PDE8B: variants seen among roughly 807,000 people sequenced by gnomAD.
PDE8B encodes the protein phosphodiesterase 8B.
Under a neutral mutation model 101.3 loss-of-function variants are expected in PDE8B, and 26 were observed. The observed-to-expected ratio is 0.26, with a 90% CI of 0.19 to 0.36. PDE8B has a LOEUF of 0.36. Among genes scored for constraint, PDE8B ranks in the 10% least tolerant of loss-of-function variants. PDE8B has a pLI of 1.00. For synonymous variants in PDE8B, 424 were observed against 429.3 expected, an observed-to-expected ratio of 0.99 and a Z score of 0.15; for missense variants, 810 against 1,163.1, an observed-to-expected ratio of 0.70 and a Z score of 4.42.
chr5:77,421,991 G>A lies in PDE8B; in HGVS notation c.2418+3G>A. On this transcript the variant is annotated splice_donor_region_variant and intron_variant, in intron 20 of 21. Coordinates refer to ENST00000264917, the MANE Select transcript of PDE8B (RefSeq NM_003719.5). Reference sequence around the variant, plus strand: ...TCTCTGAGGAGTATTTTGCACAGGTGCGCCATCTTTCCAGGGAAGCTCCAC... The same window carrying A: ...TCTCTGAGGAGTATTTTGCACAGGTACGCCATCTTTCCAGGGAAGCTCCAC... The A allele has an allele frequency of 1.9e-6, 3 of 1,613,684 alleles. No individual in the cohort carries two copies. The highest frequency in any genetic ancestry group is 1.1e-5 in the South Asian group (1 of 90,920).
At chr5:77,354,287 G>T (rs1781688523) in intron 10 of PDE8B, among the ~76,000 whole-genome samples, 1 of 152,130 alleles carries the variant, frequency 6.6e-6, no homozygotes, top group African/African-American at 2.4e-5. Flanking sequence ...TCTTCAGTCG[G>T]TTGTCTCAGG....
At chr5:77,290,212 TG>T in intron 1 of PDE8B, 1 of 1,540,622 alleles carries the variant, frequency 6.5e-7, no homozygotes, top group Non-Finnish European at 8.8e-7. Context: ...GCACTGTGTG[TG>T]CACGCTGCAA....
intron 1 of PDE8B, among the ~76,000 whole-genome samples, chr5:77,287,075 C>T (rs1766164547): frequency 6.6e-6 from 1 of 152,134 alleles, no homozygotes; most frequent in Non-Finnish European, 1.5e-5. Flanking sequence ...TAGATTTACA[C>T]ACAAATTTAC....
the PDE8B span, chr5:77,139,177 A>G: frequency 0.17 from 25,706 of 152,264 alleles, 2,674 homozygotes; most frequent in East Asian, 0.46. Context: ...CTGTGGCATG[A>G]TGGTTGCTAA....
the PDE8B span, chr5:77,140,119 C>T: frequency 2.0e-5 from 3 of 152,228 alleles, no homozygotes; most frequent in Non-Finnish European, 4.4e-5. Flanking sequence ...ATCACCAACT[C>T]TCAACCAGCT....
At chr5:77,243,886 T>C (rs1273609898) in intron 1 of PDE8B, among the ~76,000 whole-genome samples, 1 of 152,224 alleles carries the variant, frequency 6.6e-6, no homozygotes, top group Non-Finnish European at 1.5e-5. Flanking sequence ...GTCAGGGTTG[T>C]ATAGTGACTC....
At chr5:77,407,962 T>A (rs1331126127) in intron 13 of PDE8B, among the ~76,000 whole-genome samples, 1 of 152,142 alleles carries the variant, frequency 6.6e-6, no homozygotes, top group Non-Finnish European at 1.5e-5. Context: ...AGTTTGTATC[T>A]TAGTTTATGT....
the PDE8B span, chr5:77,131,275 C>T: frequency 6.6e-6 from 1 of 152,332 alleles, no homozygotes; most frequent in Admixed American, 6.5e-5. Context: ...CATTGTGTAT[C>T]ATCATAATTT....
chr5:77,256,688 T>G (rs141752912), intron 1 of PDE8B, among the ~76,000 whole-genome samples: 1 of 152,310 alleles, frequency 6.6e-6, no homozygotes, highest in East Asian at 1.9e-4. Context: ...ATTTCTGTAT[T>G]CAGACATCAA....
chr5:77,168,694 C>G, the PDE8B span, among the ~76,000 whole-genome samples: 36 of 152,196 alleles, frequency 2.4e-4, no homozygotes, highest in Non-Finnish European at 4.7e-4. Flanking sequence ...TACCGCAGCT[C>G]CTTCCTCTGC....
the PDE8B span, among the ~76,000 whole-genome samples, chr5:77,166,214 T>G: frequency 7.6e-6 from 1 of 131,704 alleles, no homozygotes; most frequent in Non-Finnish European, 1.6e-5. Context: ...CATGAGATTC[T>G]TTCGGTAAAG....
Position 77,408,906 on chromosome 5 carries a change from T to C in PDE8B, c.1379T>C (p.Ile460Thr). Reference sequence around the variant, plus strand: ...TCACTCCGTTAGGTTATAAATATAATCAATGCAGCCCAAGAAAACAGCCCA... The same window carrying C: ...TCACTCCGTTAGGTTATAAATATAACCAATGCAGCCCAAGAAAACAGCCCA... The part of the protein sequence containing the change: ...EAPITKVINI[I>T]NAAQENSPVT... The change falls in exon 14 of 22, where the codon ATC (isoleucine) becomes ACC (threonine). Residue 460 changes from isoleucine to threonine, a missense_variant. By Grantham distance (89) the Ile-to-Thr change is moderately conservative (BLOSUM62 -1). Transcript: ENST00000264917. 3 of 1,613,180 alleles carry C rather than the reference T, an allele frequency of 1.9e-6. No homozygotes were observed. Among genetic ancestry groups the C allele is most frequent in the Non-Finnish European group, 2.5e-6 (3 of 1,179,130 alleles).
At chr5:77,342,841 T>C (rs1375747391) in intron 6 of PDE8B, among the ~76,000 whole-genome samples, 1 of 152,180 alleles carries the variant, frequency 6.6e-6, no homozygotes, top group Non-Finnish European at 1.5e-5. Context: ...TGGGTTTGCC[T>C]TTCACCATGC....
intron 6 of PDE8B, among the ~76,000 whole-genome samples, chr5:77,341,565 G>A (rs1779205745): frequency 6.6e-6 from 1 of 152,214 alleles, no homozygotes; most frequent in Non-Finnish European, 1.5e-5. Context: ...TTGATAAAAT[G>A]TGTTAATTAA....
the PDE8B span, among the ~76,000 whole-genome samples, chr5:77,106,880 T>A: frequency 1.3e-5 from 2 of 151,960 alleles, no homozygotes; most frequent in African/African-American, 4.8e-5. Context: ...TTGTATTTTT[T>A]ATTTTATTTT....
intron 2 of PDE8B, among the ~76,000 whole-genome samples, chr5:77,324,291 A>AT (rs908465498): frequency 6.6e-6 from 1 of 151,980 alleles, no homozygotes; most frequent in African/African-American, 2.4e-5. Context: ...ACAGGTAGTT[A>AT]TTTTTTCATT....
chr5:77,113,125 C>T, the PDE8B span: 2 of 152,278 alleles, frequency 1.3e-5, no homozygotes, highest in East Asian at 1.9e-4. Flanking sequence ...CTAGCTATCC[C>T]CATCAAACCA....
chr5:77,388,842 C>G (rs533751268), intron 10 of PDE8B, among the ~76,000 whole-genome samples: 1 of 152,092 alleles, frequency 6.6e-6, no homozygotes, highest in Non-Finnish European at 1.5e-5. Context: ...CCACCCAGTT[C>G]GAACTTCCTG....
rs115550856 is a variant in PDE8B, at chr5:77,358,617, A to T, written c.1167+5211A>T. Among the ~76,000 whole-genome samples the T allele has an allele frequency of 6.1e-3, 932 of 152,374 alleles. 10 individuals are homozygous for T. The highest frequency in any genetic ancestry group is 0.021 in the African/African-American group (875 of 41,594). ...AAATTAAAGATGCAACTTCTGTCTT[A>T]TCCCGAATTCTTATTCCATGTAGAG... On this transcript the variant is annotated intron_variant, in intron 10 of 21. Coordinates refer to ENST00000264917, the MANE Select transcript of PDE8B (RefSeq NM_003719.5).
Sources: allele counts gnomAD v4.1 joint callset (sites outside exome capture counted in the v4.1 genomes callset), GRCh38; gene constraint gnomAD v4.1.1; transcripts MANE v1.5; gene names NCBI Gene and HGNC (gene_info 2026-07-23, HGNC 2026-07-21).